The following AGBL4 variants were observed in gnomAD, a reference collection of about 807,000 sequenced individuals.
AGBL4 encodes the protein cytosolic carboxypeptidase 6.
In AGBL4, 58 loss-of-function variants were observed where a neutral mutation model predicts 66.4. The observed-to-expected ratio is 0.87, with a 90% CI of 0.71 to 1.09. The LOEUF is 1.09. Ranked by LOEUF, AGBL4 falls within the 50% of genes least tolerant of loss-of-function variation. AGBL4 has a pLI of 0.00. For synonymous variants in AGBL4, 234 were observed against 222.9 expected, an observed-to-expected ratio of 1.05 and a Z score of -0.44; for missense variants, 579 against 631.0, an observed-to-expected ratio of 0.92 and a Z score of 0.88.
chr1:48,531,387 T>C (rs997726841), downstream of AGBL4, among the ~76,000 whole-genome samples: 2 of 152,186 alleles, frequency 1.3e-5, no homozygotes, highest in Non-Finnish European at 2.9e-5. Context: ...AGAAATGACA[T>C]GAGGTGATGC....
intron 4 of AGBL4, among the ~76,000 whole-genome samples, chr1:49,160,891 GC>G (rs1242245886): frequency 6.6e-6 from 1 of 152,158 alleles, no homozygotes; most frequent in Non-Finnish European, 1.5e-5. Context: ...AATGGCCAGT[GC>G]CCCTCCCCCC....
chr1:49,759,077 T>C (rs1462235460), intron 2 of AGBL4, among the ~76,000 whole-genome samples: 1 of 152,164 alleles, frequency 6.6e-6, no homozygotes, highest in African/African-American at 2.4e-5. Context: ...AGTTTCCCCT[T>C]TTCTCTCTCT....
At chr1:49,600,493 C>T (rs1232643991) in intron 3 of AGBL4, among the ~76,000 whole-genome samples, 1 of 152,150 alleles carries the variant, frequency 6.6e-6, no homozygotes, top group Non-Finnish European at 1.5e-5. Flanking sequence ...TATTTTGAGC[C>T]TATGTGTGTC....
chr1:48,880,747 T>C (rs1022354429), intron 5 of AGBL4, among the ~76,000 whole-genome samples: 4 of 152,182 alleles, frequency 2.6e-5, no homozygotes, highest in African/African-American at 9.6e-5. Context: ...CTTTTTTCCA[T>C]GCTTTTTTCT....
chr1:48,701,966 G>A (rs750233031), intron 6 of AGBL4, among the ~76,000 whole-genome samples: 3 of 152,068 alleles, frequency 2.0e-5, no homozygotes, highest in Non-Finnish European at 2.9e-5. Context: ...ATTTAACATG[G>A]CATCTCCCAT....
chr1:49,373,925 T>A (rs1644419281), intron 3 of AGBL4, among the ~76,000 whole-genome samples: 1 of 152,130 alleles, frequency 6.6e-6, no homozygotes, highest in African/African-American at 2.4e-5. Context: ...AAACCTTGCC[T>A]CAGTTCAGAT....
intron 1 of AGBL4, among the ~76,000 whole-genome samples, chr1:49,875,204 G>T (rs1646957757): frequency 6.8e-6 from 1 of 148,092 alleles, no homozygotes; most frequent in Non-Finnish European, 1.5e-5. Context: ...TGTGCACATT[G>T]TGCAGGTTAG....
In AGBL4 at chr1:48,664,998, C is replaced by T. The variant is rs144268794; in HGVS notation, c.635-1757G>A. 4.7e-3 allele frequency among the ~76,000 whole-genome samples: 718 copies of T among 152,294 alleles called. 3 individuals are homozygous for T. Among genetic ancestry groups the T allele is most frequent in the Non-Finnish European group, 6.2e-3 (419 of 68,028 alleles). ...AATGCTGGAGACATGCTATTCTGAA[C>T]GTGGTTCTTTATCCCAACAGTCACT... On this transcript the variant is annotated intron_variant, in intron 6 of 13. Coordinates refer to ENST00000371839, the MANE Select transcript of AGBL4 (RefSeq NM_032785.4).
At chr1:49,861,539 G>A (rs1005924456) in intron 1 of AGBL4, among the ~76,000 whole-genome samples, 2 of 151,942 alleles carry the variant, frequency 1.3e-5, no homozygotes, top group Non-Finnish European at 1.5e-5. Context: ...TTTTGTAGAG[G>A]AGCACCACCT....
intron 8 of AGBL4, among the ~76,000 whole-genome samples, chr1:48,642,093 A>G (rs1645765387): frequency 6.6e-6 from 1 of 152,090 alleles, no homozygotes; most frequent in South Asian, 2.1e-4. Flanking sequence ...TTGAGAGCAG[A>G]GTCATAGCCC....
At chr1:49,843,602 TACAC>T (rs1188153601) in intron 2 of AGBL4, among the ~76,000 whole-genome samples, 4 of 152,188 alleles carry the variant, frequency 2.6e-5, no homozygotes, top group African/African-American at 7.2e-5. Context: ...CACTTGTGAT[TACAC>T]AGGTCCACTC....
chr1:49,429,205 A>T (rs1557932410), intron 3 of AGBL4, among the ~76,000 whole-genome samples: 1 of 152,172 alleles, frequency 6.6e-6, no homozygotes, highest in Non-Finnish European at 1.5e-5. Flanking sequence ...TGTGGGTTAT[A>T]CAGTGTCCAT....
chr1:48,982,981 A>G (rs577305231), intron 5 of AGBL4, among the ~76,000 whole-genome samples: 18 of 152,314 alleles, frequency 1.2e-4, no homozygotes, highest in African/African-American at 4.3e-4. Context: ...GGGTTTTACA[A>G]GAGAGTGACA....
At chr1:49,747,926 T>C (rs748098213) in intron 2 of AGBL4, among the ~76,000 whole-genome samples, 2 of 138,002 alleles carry the variant, frequency 1.4e-5, no homozygotes, top group Non-Finnish European at 3.1e-5. Flanking sequence ...ACAGAACCAA[T>C]AAAAGGAGTG....
chr1:49,514,223 C>A (rs937994574), intron 3 of AGBL4, among the ~76,000 whole-genome samples: 36 of 152,028 alleles, frequency 2.4e-4, no homozygotes, highest in African/African-American at 8.7e-4. Flanking sequence ...CCTTCTCCTG[C>A]CTGATTGCCC....
chr1:49,561,306 C>T (rs1644034453), intron 3 of AGBL4, among the ~76,000 whole-genome samples: 1 of 151,220 alleles, frequency 6.6e-6, no homozygotes, highest in Non-Finnish European at 1.5e-5. Flanking sequence ...TATTATTATA[C>T]TTTAACCTTT....
chr1:49,286,801 A>T (rs1644422085), intron 3 of AGBL4, among the ~76,000 whole-genome samples: 1 of 152,192 alleles, frequency 6.6e-6, no homozygotes, highest in African/African-American at 2.4e-5. Flanking sequence ...GGTAATTTAC[A>T]GATTCAATGC....
chr1:49,227,243 T>C (rs1415108869), intron 4 of AGBL4, among the ~76,000 whole-genome samples: 1 of 152,336 alleles, frequency 6.6e-6, no homozygotes, highest in African/African-American at 2.4e-5. Context: ...AAAATCTCTT[T>C]TTTTCCTCGT....
At chr1:49,509,271 CA>C (rs1648977523) in intron 3 of AGBL4, among the ~76,000 whole-genome samples, 2 of 151,768 alleles carry the variant, frequency 1.3e-5, no homozygotes, top group African/African-American at 4.8e-5. Flanking sequence ...AAGTGTATGG[CA>C]GATTAGGTTA....
Sources: allele counts gnomAD v4.1 joint callset (sites outside exome capture counted in the v4.1 genomes callset), GRCh38; gene constraint gnomAD v4.1.1; transcripts MANE v1.5; gene names NCBI Gene and HGNC (gene_info 2026-07-23, HGNC 2026-07-21).